The following PYGO1 variants were observed in gnomAD, a reference collection of about 807,000 sequenced individuals.
PYGO1 encodes pygopus family PHD finger 1.
In PYGO1, 6 loss-of-function variants were observed where a neutral mutation model predicts 29.5. That is an observed-to-expected ratio of 0.20 (90% CI 0.11 to 0.40). PYGO1 has a LOEUF of 0.40. PYGO1 is among the 10% of genes least tolerant of loss of function. The pLI is 1.00. For synonymous variants in PYGO1, 186 were observed against 180.5 expected, an observed-to-expected ratio of 1.03 and a Z score of -0.24; for missense variants, 515 against 514.9, an observed-to-expected ratio of 1.00 and a Z score of 0.00.
At chr15:55,582,206 CA>C (rs58715888) in intron 1 of PYGO1, among the ~76,000 whole-genome samples, 9 of 104,054 alleles carry the variant, frequency 8.6e-5, no homozygotes, top group African/African-American at 3.1e-4. Context: ...GGCTCCATCT[CA>C]AAAAAAAAAA....
chr15:55,556,602 G>A (rs1014308868), intron 1 of PYGO1, among the ~76,000 whole-genome samples: 2 of 151,336 alleles, frequency 1.3e-5, no homozygotes, highest in African/African-American at 2.4e-5. Context: ...AGAACCAAGG[G>A]CAAACAAACT....
rs376229450 is a variant in PYGO1, at chr15:55,546,709, C to T, written c.574G>A (p.Ala192Thr). The T allele has an allele frequency of 1.9e-6, 3 of 1,613,864 alleles. No individual in the cohort carries two copies. Among genetic ancestry groups the T allele is most frequent in the African/African-American group, 2.7e-5 (2 of 74,894 alleles). The stretch of plus-strand genomic sequence containing the variant: ...AAATCGGGGTTAGAAACTTGGCTAG[C>T]ATTCTGTGGAGGAATTTGACTGAAA... ...ENFSQIPPQN[A>T]SQVSNPDLAS... Residue 192 changes from alanine to threonine, a missense_variant, in exon 3 of 3, where the codon GCT becomes ACT. Physicochemically the swap from Ala to Thr is moderately conservative, Grantham distance 58. Transcript: ENST00000563719.
chr15:55,558,878 T>A (rs79468129), intron 1 of PYGO1, among the ~76,000 whole-genome samples: 134,160 of 151,660 alleles, frequency 0.88, 59,558 homozygotes, highest in Admixed American at 0.92. Context: ...AACCATAAAA[T>A]CCCTAGAAGA....
chr15:55,563,410 A>G (rs2058941866), intron 1 of PYGO1, among the ~76,000 whole-genome samples: 1 of 137,170 alleles, frequency 7.3e-6, no homozygotes. Flanking sequence ...TCTGTCGCCC[A>G]GGCTGGAGTG....
chr15:55,547,070 T>G lies in PYGO1; in HGVS notation c.213A>C (p.Pro71=), dbSNP rs763270430. Residue 71 remains proline (P), a synonymous_variant, in exon 3 of 3, where the codon CCA becomes CCC. Transcript: ENST00000563719. ...PNSDHLVAAN[P]FDDNYNTISY... is the part of the protein sequence containing the mutation. ...AAATAGTATTATAGTTGTCATCAAA[T>G]GGATTAGCAGCCACTAGATGGTCAG... The G allele has an allele frequency of 3.2e-5, 52 of 1,612,940 alleles. No individual in the cohort carries two copies. The highest frequency in any genetic ancestry group is 4.4e-5 in the Non-Finnish European group (52 of 1,179,378).
chr15:55,551,623 C>T (rs1308829781), intron 1 of PYGO1, among the ~76,000 whole-genome samples: 3 of 151,844 alleles, frequency 2.0e-5, no homozygotes, highest in African/African-American at 7.3e-5. Context: ...CAGTGAGATC[C>T]CACCTCTACA....
intron 1 of PYGO1, among the ~76,000 whole-genome samples, chr15:55,582,397 C>T (rs1195551902): frequency 6.6e-6 from 1 of 151,772 alleles, no homozygotes; most frequent in Non-Finnish European, 1.5e-5. Context: ...TTTATCTACC[C>T]CTCATTAGTC....
intron 1 of PYGO1, among the ~76,000 whole-genome samples, chr15:55,585,307 C>T (rs2059041978): frequency 6.6e-6 from 1 of 152,094 alleles, no homozygotes; most frequent in Non-Finnish European, 1.5e-5. Context: ...AAAGGTCTGT[C>T]TCTATCACAT....
intron 1 of PYGO1, among the ~76,000 whole-genome samples, chr15:55,556,657 C>G (rs1224631866): frequency 6.6e-6 from 1 of 150,778 alleles, no homozygotes; most frequent in African/African-American, 2.4e-5. Flanking sequence ...CAGAGCAGAA[C>G]TGAAGGAGAC....
chr15:55,553,019 G>A (rs928629971), intron 1 of PYGO1, among the ~76,000 whole-genome samples: 13 of 152,146 alleles, frequency 8.5e-5, no homozygotes, highest in Non-Finnish European at 1.3e-4. Flanking sequence ...AGGGGTGGCC[G>A]CCATCTCTGC....
In PYGO1 at chr15:55,587,388, A is replaced by AG. The variant is rs2059052061; in HGVS notation, c.49+446dup. 6.2e-5 allele frequency among the ~76,000 whole-genome samples: 9 copies of AG among 145,716 alleles called. No individual in the cohort carries two copies. The South Asian group carries it at 2.0e-3, about 33-fold the overall frequency. ...CCTTTGCCGGGGTGGGGGGGCGAGA[A>AG]GGGGGCCAGGAGAGACGTGAAAGCC... is the stretch of plus-strand genomic sequence containing the variant. On this transcript the variant is annotated intron_variant, in intron 1 of 2. Coordinates refer to ENST00000563719, the MANE Select transcript of PYGO1 (RefSeq NM_001367806.1).
chr15:55,579,715 A>G (rs1387710655), intron 1 of PYGO1, among the ~76,000 whole-genome samples: 2 of 152,182 alleles, frequency 1.3e-5, no homozygotes, highest in Non-Finnish European at 2.9e-5. Context: ...CAGACATAAT[A>G]TTACAATTAA....
At chr15:55,583,720 C>T (rs1595996634) in intron 1 of PYGO1, among the ~76,000 whole-genome samples, 1 of 152,138 alleles carries the variant, frequency 6.6e-6, no homozygotes, top group Non-Finnish European at 1.5e-5. Flanking sequence ...GTTGCCCAGG[C>T]TGGTGTCAAA....
chr15:55,579,354 C>G (rs752655212), intron 1 of PYGO1, among the ~76,000 whole-genome samples: 1 of 152,040 alleles, frequency 6.6e-6, no homozygotes, highest in Non-Finnish European at 1.5e-5. Flanking sequence ...TATAAACAAA[C>G]GAAGGCGCCA....
At position 55,548,707 on chromosome 15, in the gene PYGO1, T is replaced by TAAAAAAA. The variant is rs60796044; in HGVS notation, c.135+196_135+202dup. 7.6e-4 allele frequency among the ~76,000 whole-genome samples: 42 copies of TAAAAAAA among 55,448 alleles called. 1 individual carries two copies. Among genetic ancestry groups the TAAAAAAA allele is most frequent in the East Asian group, 3.5e-3 (4 of 1,130 alleles). 36.4% of individuals were successfully genotyped at this position (55,448 alleles called of 152,430 possible). A position where few individuals can be genotyped will look rare whatever the true frequency, so the allele number is the denominator to read the frequency against. The stretch of plus-strand genomic sequence containing the variant: ...TCTGGCAACAGAGCAAGAATCCACC[T>TAAAAAAA]AAAAAAAAAAAAAAAAAAAAAAAAA... On this transcript the variant is annotated intron_variant, in intron 2 of 2. Coordinates refer to ENST00000563719, the MANE Select transcript of PYGO1 (RefSeq NM_001367806.1).
chr15:55,550,014 T>G (rs1830058981), intron 1 of PYGO1, among the ~76,000 whole-genome samples: 1 of 151,972 alleles, frequency 6.6e-6, no homozygotes. Context: ...ACTAGGAACT[T>G]AAAAAAAATA....
At chr15:55,578,510 A>C (rs2059013358) in intron 1 of PYGO1, among the ~76,000 whole-genome samples, 1 of 152,162 alleles carries the variant, frequency 6.6e-6, no homozygotes, top group Non-Finnish European at 1.5e-5. Context: ...CATCCTCACC[A>C]ACATTTTTCT....
chr15:55,554,862 T>C (rs531651682), intron 1 of PYGO1, among the ~76,000 whole-genome samples: 3 of 152,296 alleles, frequency 2.0e-5, no homozygotes, highest in African/African-American at 4.8e-5. Context: ...TATGGAATTA[T>C]GTAGAGAATA....
intron 1 of PYGO1, among the ~76,000 whole-genome samples, chr15:55,550,566 C>G (rs1233408930): frequency 6.6e-6 from 1 of 152,188 alleles, no homozygotes; most frequent in African/African-American, 2.4e-5. Context: ...TGGCATCTCT[C>G]TTCCAATCCT....
Sources: allele counts gnomAD v4.1 joint callset (sites outside exome capture counted in the v4.1 genomes callset), GRCh38; gene constraint gnomAD v4.1.1; transcripts MANE v1.5; gene names NCBI Gene and HGNC (gene_info 2026-07-23, HGNC 2026-07-21).